PCYT1B: variants seen among roughly 807,000 people sequenced by gnomAD.
The protein encoded by PCYT1B is phosphate cytidylyltransferase 1B, choline.
A neutral mutation model predicts 26.4 loss-of-function variants in PCYT1B; 10 were observed. The observed-to-expected ratio is 0.38, with a 90% CI of 0.23 to 0.64. The LOEUF (loss-of-function observed/expected upper bound fraction) is 0.64. Among genes scored for constraint, PCYT1B ranks in the 30% least tolerant of loss-of-function variants. The pLI is 0.56. For missense variants in PCYT1B, 161 were observed against 292.7 expected (o/e 0.55, Z 3.28); for synonymous variants, 131 against 108.4 (o/e 1.21, Z -1.29).
chrX:24,610,486 T>C (rs1413341398), intron 2 of PCYT1B, among the ~76,000 whole-genome samples: 2 of 111,998 alleles, frequency 1.8e-5, no homozygotes, highest in African/African-American at 6.5e-5. Flanking sequence ...TTGCTTTCAA[T>C]GTTCTTATTC....
intron 3 of PCYT1B, among the ~76,000 whole-genome samples, chrX:24,596,108 G>GA (rs1448791831): frequency 9.0e-6 from 1 of 111,373 alleles, no homozygotes. Flanking sequence ...TTTTTTTAGG[G>GA]AAAAAAACAC....
intron 5 of PCYT1B, 127 bp downstream of exon 5, chrX:24,587,114 T>C (rs1159656169): frequency 6.3e-6 from 3 of 478,925 alleles, no homozygotes; most frequent in African/African-American, 4.7e-5. Context: ...AGAAGCCGCC[T>C]GGGGGACACC....
intron 7 of PCYT1B, among the ~76,000 whole-genome samples, chrX:24,565,391 G>C (rs768890739): frequency 9.0e-6 from 1 of 111,409 alleles, no homozygotes; most frequent in Non-Finnish European, 1.9e-5. Flanking sequence ...AGGAGGAAGG[G>C]GGGGAAGAAG....
chrX:24,655,875 G>A (rs776150508), intron 1 of PCYT1B, among the ~76,000 whole-genome samples: 15 of 107,076 alleles, frequency 1.4e-4, no homozygotes, highest in Non-Finnish European at 2.5e-4. Context: ...AGGCCATTAG[G>A]GGGAGGCCAA....
chrX:24,627,193 G>C (rs1436427942), intron 1 of PCYT1B, among the ~76,000 whole-genome samples: 1 of 112,107 alleles, frequency 8.9e-6, no homozygotes, highest in Non-Finnish European at 1.9e-5. Context: ...AGTATGCTTG[G>C]AGGAAGCGAG....
chrX:24,577,049 A>C (rs1166511293), intron 6 of PCYT1B, among the ~76,000 whole-genome samples: 1 of 111,782 alleles, frequency 8.9e-6, no homozygotes, highest in East Asian at 2.8e-4. Context: ...CTGAATGAGC[A>C]CTGGGCTGGG....
rs756342863 is a variant in PCYT1B at position 24,670,048 on chromosome X, AAAAGAAAGAAAGAAAGAAAGAAAGAAAG to A, written c.63+2494_63+2521del. On this transcript the variant is annotated intron_variant, in intron 1 of 7. Coordinates refer to the PCYT1B transcript ENST00000379145. ...ACAGAGTAAGACCTTGTCTCAAAAA[AAAAGAAAGAAAGAAAGAAAGAAAGAAAG>A]AAAGAAAGAAAGAAAGAAAGAAAGA... 9.1e-3 allele frequency among the ~76,000 whole-genome samples: 528 copies of A among 58,043 alleles called. 9 individuals are homozygous for A. Among genetic ancestry groups the A allele is most frequent in the African/African-American group, 0.027 (446 of 16,266 alleles). 50.4% of individuals were successfully genotyped at this position (58,043 alleles called of 115,157 possible). A position where few individuals can be genotyped will look rare whatever the true frequency, so the allele number is the denominator to read the frequency against.
chrX:24,651,472 A>AT (rs1236511633), upstream of PCYT1B, among the ~76,000 whole-genome samples: 1 of 26,037 alleles, frequency 3.8e-5, no homozygotes, highest in Non-Finnish European at 6.0e-5. Context: ...AAAAAAAAAA[A>AT]ATATATATAT....
chrX:24,564,722 T>TCA (rs933986043), intron 7 of PCYT1B, among the ~76,000 whole-genome samples: 5 of 111,308 alleles, frequency 4.5e-5, no homozygotes, highest in African/African-American at 1.6e-4. Context: ...GAGGGTCCCA[T>TCA]CAGCTCCCAA....
At chrX:24,645,882 T>C (rs1397292120) in intron 1 of PCYT1B, among the ~76,000 whole-genome samples, 1 of 112,103 alleles carries the variant, frequency 8.9e-6, no homozygotes, top group Non-Finnish European at 1.9e-5. Context: ...TATTAACTCT[T>C]ATTAAGAAAT....
In PCYT1B at chrX:24,670,113, AAAGGAAGG is replaced by A. The variant is rs749240285; in HGVS notation, c.63+2449_63+2456del. Among the ~76,000 whole-genome samples the A allele has an allele frequency of 5.6e-3, 132 of 23,581 alleles. 2 individuals are homozygous for A. Among genetic ancestry groups the A allele is most frequent in the African/African-American group, 0.019 (120 of 6,299 alleles). 20.5% of individuals were successfully genotyped at this position (23,581 alleles called of 115,157 possible). ...GAAAGAAAGAAAGAAAGAAAGAAAG[AAAGGAAGG>A]AAGGAAGGAAGGAAGGAAGGAAGGA... On this transcript the variant is annotated intron_variant, in intron 1 of 7. Coordinates refer to the PCYT1B transcript ENST00000379145.
chrX:24,596,191 G>T (rs766281126), intron 3 of PCYT1B, among the ~76,000 whole-genome samples: 1 of 112,240 alleles, frequency 8.9e-6, no homozygotes, highest in East Asian at 2.8e-4. Context: ...AAGGAAAAAA[G>T]AGCTTTACAA....
intron 2 of PCYT1B, among the ~76,000 whole-genome samples, chrX:24,616,164 A>G (rs758906843): frequency 1.7e-4 from 18 of 103,386 alleles, no homozygotes; most frequent in African/African-American, 6.1e-4. Context: ...AGGCCCTTTC[A>G]GTTTGGGCCT....
intron 1 of PCYT1B, among the ~76,000 whole-genome samples, chrX:24,672,233 G>C (rs942596191): frequency 6.2e-5 from 7 of 112,277 alleles, no homozygotes; most frequent in African/African-American, 2.3e-4. Flanking sequence ...TCATTTCATA[G>C]GATAAAGAAC....
intron 1 of PCYT1B, among the ~76,000 whole-genome samples, chrX:24,637,875 T>G (rs1926342335): frequency 9.2e-6 from 1 of 108,870 alleles, no homozygotes; most frequent in Middle Eastern, 4.2e-3. Context: ...GAAAAAGGAG[T>G]GAGACCACTA....
chrX:24,644,525 T>C (rs1926562727), intron 1 of PCYT1B, among the ~76,000 whole-genome samples: 1 of 110,496 alleles, frequency 9.1e-6, no homozygotes, highest in South Asian at 3.9e-4. Flanking sequence ...GAAGGGAATG[T>C]ATCTCACTTA....
At position 24,619,016 on chromosome X, in the gene PCYT1B, C is replaced by A. The variant is rs1315917431; in HGVS notation, c.186G>T (p.Leu62=). ...TTCCTAAGCGGGCCTGAGCAATGGTCAGTTTTTCATGGGGTGCTTGACACT... is the reference window on the plus strand; with the variant it reads ...TTCCTAAGCGGGCCTGAGCAATGGTAAGTTTTTCATGGGGTGCTTGACACT... ...NCQCQAPHEK[L]TIAQARLGTP... Residue 62 remains leucine (L), a synonymous_variant, in exon 2 of 8, where the codon CTG becomes CTT. Transcript: ENST00000379144. 8.6e-7 allele frequency: 1 copy of A among 1,169,255 alleles called. No individual in the cohort carries two copies. Among genetic ancestry groups the A allele is most frequent in the Non-Finnish European group, 1.1e-6 (1 of 871,500 alleles).
chrX:24,670,572 TA>T (rs1267958094), intron 1 of PCYT1B, among the ~76,000 whole-genome samples: 1 of 112,167 alleles, frequency 8.9e-6, no homozygotes, highest in Admixed American at 9.5e-5. Context: ...AGAAAAATGT[TA>T]ATAAAATCAT....
intron 1 of PCYT1B, among the ~76,000 whole-genome samples, chrX:24,643,762 T>C (rs1275312096): frequency 8.9e-6 from 1 of 112,257 alleles, no homozygotes; most frequent in Non-Finnish European, 1.9e-5. Flanking sequence ...TGCTTTAAAG[T>C]CTATTTATTC....
Sources: gnomAD v4.1 joint callset for allele counts (sites outside exome capture counted in the v4.1 genomes callset) on GRCh38, gnomAD v4.1.1 for gene constraint, MANE v1.5 for transcripts, NCBI Gene and HGNC (gene_info 2026-07-23, HGNC 2026-07-21) for gene names.